DMRT1: variants seen among roughly 807,000 people sequenced by gnomAD.
DMRT1 encodes doublesex and mab-3 related transcription factor 1.
A neutral mutation model predicts 32.3 loss-of-function variants in DMRT1; 7 were observed. That is an observed-to-expected ratio of 0.22 (90% CI 0.12 to 0.41). DMRT1 has a LOEUF of 0.41. Among genes scored for constraint, DMRT1 ranks in the 10% least tolerant of loss-of-function variants. DMRT1 has a pLI of 1.00. For missense variants in DMRT1, 625 were observed against 500.5 expected, an observed-to-expected ratio of 1.25 and a Z score of -2.37; for synonymous variants, 278 against 206.1, an observed-to-expected ratio of 1.35 and a Z score of -2.99.
At chr9:865,701 C>T (rs1159288397) in intron 2 of DMRT1, among the ~76,000 whole-genome samples, 1 of 152,180 alleles carries the variant, frequency 6.6e-6, no homozygotes, top group East Asian at 1.9e-4. Context: ...TCCCTACACC[C>T]CCAGTTGCCA....
chr9:924,160 C>T (rs1818447682), intron 4 of DMRT1, among the ~76,000 whole-genome samples: 1 of 150,966 alleles, frequency 6.6e-6, no homozygotes, highest in Non-Finnish European at 1.5e-5. Context: ...CAACCTCTGC[C>T]TCCCAGGTTC....
chr9:898,171 G>A lies in DMRT1; in HGVS notation c.822+3976G>A, dbSNP rs139348035. Among the ~76,000 whole-genome samples the A allele has an allele frequency of 1.1e-4, 17 of 152,054 alleles. No individual in the cohort carries two copies. The East Asian group carries it at 2.5e-3, about 23-fold the overall frequency. The stretch of plus-strand genomic sequence containing the variant: ...GCCTCACTCTGTCATTCAGGCTGGC[G>A]TGCAGTGGCGTGATCTTGGCTCACT... On this transcript the variant is annotated intron_variant, in intron 3 of 4. Coordinates refer to ENST00000382276, the MANE Select transcript of DMRT1 (RefSeq NM_021951.3).
intron 4 of DMRT1, among the ~76,000 whole-genome samples, chr9:941,263 T>G (rs1216973739): frequency 1.3e-5 from 2 of 151,612 alleles, no homozygotes; most frequent in Non-Finnish European, 2.9e-5. Context: ...AACCTAAGTG[T>G]CCATCAACAG....
chr9:933,953 T>G (rs1818805394), intron 4 of DMRT1, among the ~76,000 whole-genome samples: 1 of 152,038 alleles, frequency 6.6e-6, no homozygotes, highest in Non-Finnish European at 1.5e-5. Flanking sequence ...GAGCTGTTAC[T>G]GACAGACTTA....
intron 3 of DMRT1, among the ~76,000 whole-genome samples, chr9:896,467 C>T (rs1276574282): frequency 6.6e-6 from 1 of 151,828 alleles, no homozygotes; most frequent in Non-Finnish European, 1.5e-5. Context: ...TTTATTTCCT[C>T]CACCTCGAGC....
intron 2 of DMRT1, among the ~76,000 whole-genome samples, chr9:875,429 G>C (rs1816455572): frequency 1.3e-5 from 2 of 152,092 alleles, no homozygotes; most frequent in Non-Finnish European, 2.9e-5. Context: ...GATTTTCCTA[G>C]GTTCTGCATC....
At chr9:921,932 A>G (rs1339271990) in intron 4 of DMRT1, among the ~76,000 whole-genome samples, 2 of 152,210 alleles carry the variant, frequency 1.3e-5, no homozygotes, top group Non-Finnish European at 2.9e-5. Context: ...ACAGGCAGGC[A>G]TGCAGGGGTG....
chr9:861,998 GGT>G (rs1291315950), intron 2 of DMRT1, among the ~76,000 whole-genome samples: 1 of 151,452 alleles, frequency 6.6e-6, no homozygotes, highest in Non-Finnish European at 1.5e-5. Context: ...GCCGGGAAGA[GGT>G]GCTCCTCACT....
rs558949890 is a variant in DMRT1, at chr9:937,964, TTTATAG to T, written c.967+21066_967+21071del. On this transcript the variant is annotated intron_variant, in intron 4 of 4. Transcript: ENST00000382276. ...GATTTATTTTTGTTTTTTTAAGAGT[TTTATAG>T]TTATAGTTTTAGCTCTTAAGATCTT... Among the ~76,000 whole-genome samples the T allele has an allele frequency of 2.1e-4, 32 of 152,258 alleles. No homozygotes were observed. The South Asian group carries it at 5.2e-3, about 25-fold the overall frequency.
chr9:954,644 TTTA>T (rs1372156609), intron 4 of DMRT1, among the ~76,000 whole-genome samples: 4 of 151,904 alleles, frequency 2.6e-5, no homozygotes, highest in Non-Finnish European at 5.9e-5. Context: ...TGGGCTTTAT[TTTA>T]TTATTATTAT....
intron 2 of DMRT1, among the ~76,000 whole-genome samples, chr9:848,733 T>G (rs1312019037): frequency 1.3e-5 from 2 of 148,828 alleles, no homozygotes; most frequent in African/African-American, 2.5e-5. Flanking sequence ...TTTGTATTTT[T>G]TAGTAAAGAT....
intron 1 of DMRT1, among the ~76,000 whole-genome samples, chr9:844,787 T>C (rs4742480): frequency 0.87 from 129,414 of 148,822 alleles, 56,817 homozygotes; most frequent in Non-Finnish European, 0.93. Context: ...GTGGCATGAT[T>C]TCAGCTCACG....
At chr9:893,281 T>C (rs1817223227) in intron 2 of DMRT1, among the ~76,000 whole-genome samples, 1 of 152,246 alleles carries the variant, frequency 6.6e-6, no homozygotes, top group African/African-American at 2.4e-5. Context: ...AAACTAGTCT[T>C]TGGGTTAGAT....
chr9:937,715 T>C (rs1003870183), intron 4 of DMRT1, among the ~76,000 whole-genome samples: 1 of 152,212 alleles, frequency 6.6e-6, no homozygotes, highest in African/African-American at 2.4e-5. Context: ...TTGTCGTTGT[T>C]GTAGGAGTTC....
intron 4 of DMRT1, among the ~76,000 whole-genome samples, chr9:921,842 A>C (rs1201267409): frequency 6.6e-6 from 1 of 152,192 alleles, no homozygotes; most frequent in Non-Finnish European, 1.5e-5. Flanking sequence ...ATTGCACTCC[A>C]GCCTGGGTGA....
At chr9:948,685 A>C (rs1262729703) in intron 4 of DMRT1, among the ~76,000 whole-genome samples, 1 of 152,130 alleles carries the variant, frequency 6.6e-6, no homozygotes, top group East Asian at 1.9e-4. Flanking sequence ...AGAATCTGCC[A>C]GGCAGCAAAC....
At chr9:878,200 G>GACCCCCC (rs149257815) in intron 2 of DMRT1, among the ~76,000 whole-genome samples, 2 of 94,042 alleles carry the variant, frequency 2.1e-5, no homozygotes, top group Non-Finnish European at 4.1e-5. Flanking sequence ...TGCAGCTGCT[G>GACCCCCC]CCCCCCCCCC....
intron 2 of DMRT1, among the ~76,000 whole-genome samples, chr9:869,774 G>C (rs1278407310): frequency 6.6e-6 from 1 of 151,742 alleles, no homozygotes. Context: ...TTAAGGTGTC[G>C]CATTCTCTGT....
chr9:866,130 C>G (rs1392019853), intron 2 of DMRT1, among the ~76,000 whole-genome samples: 1 of 137,238 alleles, frequency 7.3e-6, no homozygotes, highest in East Asian at 2.2e-4. Context: ...TGCTACTGCA[C>G]TCCAGCCTGG....
Sources: allele counts gnomAD v4.1 joint callset (sites outside exome capture counted in the v4.1 genomes callset), GRCh38; gene constraint gnomAD v4.1.1; transcripts MANE v1.5; gene names NCBI Gene and HGNC (gene_info 2026-07-23, HGNC 2026-07-21).